Variants in DPP6 observed in about 807,000 individuals in gnomAD.
The protein encoded by DPP6 is A-type potassium channel modulatory protein DPP6.
DPP6 carries 69 observed loss-of-function variants against 122.6 expected under a neutral mutation model. That is an observed-to-expected ratio of 0.56 (90% confidence interval 0.46 to 0.69). The LOEUF is 0.69. DPP6 is among the 30% of genes least tolerant of loss of function. The pLI is 0.00. For synonymous variants in DPP6, 418 were observed against 433.1 expected, an observed-to-expected ratio of 0.97 and a Z score of 0.43; for missense variants, 928 against 1,116.9, an observed-to-expected ratio of 0.83 and a Z score of 2.41.
At chr7:154,040,308 GTTT>G (rs112436617) in intron 1 of DPP6, among the ~76,000 whole-genome samples, 1 of 141,830 alleles carries the variant, frequency 7.1e-6, no homozygotes, top group Non-Finnish European at 1.5e-5. Context: ...TGTAAGAAGT[GTTT>G]TTTTGTCACT....
upstream of DPP6, among the ~76,000 whole-genome samples, chr7:154,050,204 G>T (rs1367168627): frequency 2.0e-5 from 3 of 152,200 alleles, no homozygotes; most frequent in Non-Finnish European, 4.4e-5. Flanking sequence ...ATAATTTTAA[G>T]CAGAAATCGC....
At chr7:154,460,682 C>T (rs755346302) in intron 2 of DPP6, among the ~76,000 whole-genome samples, 1 of 152,220 alleles carries the variant, frequency 6.6e-6, no homozygotes, top group Non-Finnish European at 1.5e-5. Flanking sequence ...ACATTTACAA[C>T]ATTCACTATT....
chr7:153,900,949 C>T (rs1247077385), intron 1 of DPP6, among the ~76,000 whole-genome samples: 1 of 152,046 alleles, frequency 6.6e-6, no homozygotes, highest in Non-Finnish European at 1.5e-5. Context: ...AAAGAGAAGT[C>T]TTTCATTTTA....
chr7:154,203,244 G>A (rs1204657437), intron 1 of DPP6, among the ~76,000 whole-genome samples: 1 of 152,218 alleles, frequency 6.6e-6, no homozygotes, highest in Non-Finnish European at 1.5e-5. Flanking sequence ...GTTGATGCCT[G>A]AAGTTGCGCA....
At chr7:154,083,140 T>C (rs1350642638) in intron 1 of DPP6, among the ~76,000 whole-genome samples, 4 of 151,928 alleles carry the variant, frequency 2.6e-5, no homozygotes, top group Non-Finnish European at 4.4e-5. Flanking sequence ...TGAGCCACCG[T>C]GCCTGGCCTG....
intron 7 of DPP6, among the ~76,000 whole-genome samples, chr7:154,702,908 G>A (rs951397937): frequency 4.6e-5 from 7 of 152,182 alleles, no homozygotes; most frequent in African/African-American, 1.7e-4. Context: ...AAAATTCAAT[G>A]CCTGGCTTTA....
the DPP6 span, among the ~76,000 whole-genome samples, chr7:153,786,466 A>G: frequency 6.6e-6 from 1 of 151,558 alleles, no homozygotes; most frequent in Non-Finnish European, 1.5e-5. Flanking sequence ...CTGGCCGGGC[A>G]CAGTGGCTCA....
chr7:154,356,937 A>C (rs918449850), intron 1 of DPP6, among the ~76,000 whole-genome samples: 1 of 152,242 alleles, frequency 6.6e-6, no homozygotes, highest in Non-Finnish European at 1.5e-5. Flanking sequence ...AAATTTCCTG[A>C]AGCTTGAGGC....
intron 1 of DPP6, among the ~76,000 whole-genome samples, chr7:154,250,621 TCAGA>T (rs1473532454): frequency 6.6e-6 from 1 of 152,192 alleles, no homozygotes; most frequent in Admixed American, 6.5e-5. Context: ...AAAGATGAAT[TCAGA>T]CAGCTTTATT....
intron 4 of DPP6, among the ~76,000 whole-genome samples, chr7:154,554,354 G>A (rs927801910): frequency 2.0e-4 from 30 of 151,518 alleles, no homozygotes; most frequent in Admixed American, 1.9e-3. Context: ...GTATATTTAG[G>A]GTTTTTTTTC....
chr7:154,330,941 C>T (rs1219904439), intron 1 of DPP6, among the ~76,000 whole-genome samples: 1 of 152,210 alleles, frequency 6.6e-6, no homozygotes, highest in African/African-American at 2.4e-5. Flanking sequence ...CATTCTCCAG[C>T]TCCTGCAGTG....
intron 1 of DPP6, among the ~76,000 whole-genome samples, chr7:154,187,201 T>A (rs1798392149): frequency 6.6e-6 from 1 of 152,366 alleles, no homozygotes; most frequent in African/African-American, 2.4e-5. Context: ...CACTAATTTG[T>A]TCTCTTTAAA....
chr7:154,648,917 TAAA>T (rs59039501), intron 6 of DPP6, among the ~76,000 whole-genome samples: 23,084 of 149,030 alleles, frequency 0.15, 1,975 homozygotes, highest in East Asian at 0.19. Flanking sequence ...GACTCCATCT[TAAA>T]AAAAAAAAAA....
At chr7:154,164,238 C>T (rs1444706714) in intron 1 of DPP6, among the ~76,000 whole-genome samples, 1 of 149,090 alleles carries the variant, frequency 6.7e-6, no homozygotes, top group African/African-American at 2.5e-5. Context: ...CTCCCCTCCC[C>T]TCCCCTCGCC....
rs533068259 is a variant in DPP6 at position 154,081,283 on chromosome 7, A to G, written c.243+28220A>G. ...TTGAAGCATTGTGCCTCTCTTTCCT[A>G]TGCACTGTGATCAGTGCACAGGAAT... On this transcript the variant is annotated intron_variant, in intron 1 of 25. Coordinates refer to ENST00000377770, the MANE Select transcript of DPP6 (RefSeq NM_130797.4). Among the ~76,000 whole-genome samples, 328 of 149,348 alleles carry G rather than the reference A, an allele frequency of 2.2e-3. 2 individuals carry two copies. Among genetic ancestry groups the G allele is most frequent in the African/African-American group, 7.8e-3 (320 of 41,146 alleles).
intron 1 of DPP6, among the ~76,000 whole-genome samples, chr7:154,280,082 G>A (rs1437224026): frequency 6.6e-6 from 1 of 152,140 alleles, no homozygotes; most frequent in Non-Finnish European, 1.5e-5. Context: ...GTTTATCCCC[G>A]ATAACTGCAT....
chr7:154,167,923 C>T (rs1391052880), intron 1 of DPP6, among the ~76,000 whole-genome samples: 1 of 152,166 alleles, frequency 6.6e-6, no homozygotes, highest in Non-Finnish European at 1.5e-5. Flanking sequence ...TTATCCAGGA[C>T]AGACTGGCCT....
chr7:153,846,329 A>G, the DPP6 span, among the ~76,000 whole-genome samples: 1 of 152,056 alleles, frequency 6.6e-6, no homozygotes, highest in Admixed American at 6.6e-5. Context: ...TCTTTTGGCT[A>G]TTGATTTGTA....
chr7:154,671,312 T>G (rs1007992827), intron 7 of DPP6, among the ~76,000 whole-genome samples: 1 of 152,166 alleles, frequency 6.6e-6, no homozygotes, highest in African/African-American at 2.4e-5. Flanking sequence ...TACCCACAGC[T>G]CTGCACCTGG....
Sources: gnomAD v4.1 joint callset for allele counts (sites outside exome capture counted in the v4.1 genomes callset) on GRCh38, gnomAD v4.1.1 for gene constraint, MANE v1.5 for transcripts, NCBI Gene and HGNC (gene_info 2026-07-23, HGNC 2026-07-21) for gene names.